Variants in CDK14 observed in about 807,000 individuals in gnomAD.
CDK14 encodes the protein cyclin-dependent kinase 14.
Under a neutral mutation model 60.7 loss-of-function variants are expected in CDK14, and 34 were observed. The ratio of observed to expected loss-of-function variants is 0.56; its 90% CI spans 0.43 to 0.75. The LOEUF (loss-of-function observed/expected upper bound fraction) is 0.75, where lower values mean the gene tolerates loss of function less well. CDK14 is among the 30% of genes least tolerant of loss of function. The pLI is 0.00. For missense variants in CDK14, 482 were observed against 564.1 expected (o/e 0.85, Z 1.47); for synonymous variants, 197 against 203.7 (o/e 0.97, Z 0.28).
intron 10 of CDK14, among the ~76,000 whole-genome samples, chr7:91,001,342 T>C (rs1333585394): frequency 6.6e-6 from 1 of 152,182 alleles, no homozygotes; most frequent in Non-Finnish European, 1.5e-5. Flanking sequence ...AGAAGGAAAT[T>C]TAGTCCTGCT....
At position 90,940,877 on chromosome 7, in the gene CDK14, A is replaced by G. The variant is rs953366995; in HGVS notation, c.827-14820A>G. On this transcript the variant is annotated intron_variant, in intron 8 of 14. Transcript: ENST00000380050. ...AATCTATCTATGTATATATATGATA[A>G]ACACCTAGAATAAAGTTGCCACTGG... Among the ~76,000 whole-genome samples, 9 of 152,310 alleles carry G rather than the reference A, an allele frequency of 5.9e-5. No individual in the cohort carries two copies. The South Asian group carries it at 1.7e-3, about 28-fold the overall frequency.
rs369626946 is a variant in CDK14 at position 90,696,704 on chromosome 7, C to T, written c.124-29863C>T. On this transcript the variant is annotated intron_variant, in intron 2 of 14. Coordinates refer to ENST00000380050, the MANE Select transcript of CDK14 (RefSeq NM_001287135.2). ...TACAAAATTGGGAACCCTCAGTTTA[C>T]TGACGGTACTTAAGGAAGAGGTTAG... Among the ~76,000 whole-genome samples the T allele has an allele frequency of 1.1e-4, 16 of 152,264 alleles. No homozygotes were observed. The East Asian group carries it at 1.4e-3, about 13-fold the overall frequency.
At chr7:91,120,952 T>C (rs1799766164) in intron 14 of CDK14, among the ~76,000 whole-genome samples, 1 of 152,192 alleles carries the variant, frequency 6.6e-6, no homozygotes, top group South Asian at 2.1e-4. Flanking sequence ...ACAGGGAAGA[T>C]GGATTCTAAG....
chr7:91,176,311 T>G (rs1401737067), intron 14 of CDK14, among the ~76,000 whole-genome samples: 2 of 152,180 alleles, frequency 1.3e-5, no homozygotes, highest in African/African-American at 2.4e-5. Context: ...TTTAAAGTAG[T>G]GTGTAGAGGG....
At chr7:90,627,218 ATTTT>A (rs113422746) in intron 2 of CDK14, among the ~76,000 whole-genome samples, 2 of 146,112 alleles carry the variant, frequency 1.4e-5, no homozygotes, top group Non-Finnish European at 3.0e-5. Context: ...GTCAGCACAG[ATTTT>A]TTTTTTTTGA....
At chr7:91,005,962 C>T (rs780653816) in intron 10 of CDK14, among the ~76,000 whole-genome samples, 7 of 152,206 alleles carry the variant, frequency 4.6e-5, no homozygotes, top group East Asian at 1.9e-4. Context: ...AGATCTGACT[C>T]GGTTCATAAA....
intron 14 of CDK14, among the ~76,000 whole-genome samples, chr7:91,177,778 G>C (rs1246393649): frequency 3.6e-5 from 5 of 137,250 alleles, no homozygotes; most frequent in Non-Finnish European, 7.9e-5. Context: ...TCTTCAAGGA[G>C]AACTACAAAC....
intron 5 of CDK14, among the ~76,000 whole-genome samples, chr7:90,848,390 A>G (rs1056916191): frequency 6.6e-6 from 1 of 152,176 alleles, no homozygotes; most frequent in African/African-American, 2.4e-5. Context: ...CCTGAGCCAC[A>G]GTGCCCAGCC....
intron 5 of CDK14, among the ~76,000 whole-genome samples, chr7:90,831,550 C>G (rs895285538): frequency 6.6e-6 from 1 of 152,128 alleles, no homozygotes. Flanking sequence ...TGACTTGGCT[C>G]TTTCAGCCCC....
chr7:90,621,598 A>G (rs945234917), intron 2 of CDK14, among the ~76,000 whole-genome samples: 8 of 145,850 alleles, frequency 5.5e-5, no homozygotes, highest in Admixed American at 4.1e-4. Context: ...ATTTGTTCCC[A>G]TAATTCAGAC....
At chr7:90,717,414 G>C (rs1802286761) in intron 2 of CDK14, among the ~76,000 whole-genome samples, 1 of 152,072 alleles carries the variant, frequency 6.6e-6, no homozygotes. Flanking sequence ...AGTCCAGTAA[G>C]GGATGTAACA....
intron 4 of CDK14, among the ~76,000 whole-genome samples, chr7:90,784,633 A>G (rs921492600): frequency 6.6e-6 from 1 of 152,228 alleles, no homozygotes; most frequent in Non-Finnish European, 1.5e-5. Flanking sequence ...ACTTTGATAT[A>G]GATTATGACA....
At chr7:91,185,993 A>G (rs1261930484) in intron 14 of CDK14, among the ~76,000 whole-genome samples, 1 of 152,104 alleles carries the variant, frequency 6.6e-6, no homozygotes, top group Non-Finnish European at 1.5e-5. Context: ...TATAAATGGA[A>G]TCATGCATAT....
At chr7:90,726,489 C>G (rs1802636727) in intron 2 of CDK14, 78 bp from the exon 3 acceptor site, 1 of 1,459,056 alleles carries the variant, frequency 6.9e-7, no homozygotes, top group East Asian at 2.3e-5. Flanking sequence ...GGCATGCTTT[C>G]TAGAGTTATA....
At chr7:91,150,095 T>C (rs560226889) in intron 14 of CDK14, among the ~76,000 whole-genome samples, 1 of 152,266 alleles carries the variant, frequency 6.6e-6, no homozygotes, top group East Asian at 1.9e-4. Flanking sequence ...AAGGGATAGA[T>C]CTAGGCAGAG....
intron 3 of CDK14, among the ~76,000 whole-genome samples, chr7:90,745,519 A>G (rs1803556309): frequency 6.6e-6 from 1 of 152,148 alleles, no homozygotes; most frequent in Admixed American, 6.5e-5. Flanking sequence ...AGGTTCAAGC[A>G]GTTCTCCTGC....
At chr7:91,087,300 C>G (rs1798668142) in intron 12 of CDK14, among the ~76,000 whole-genome samples, 1 of 152,082 alleles carries the variant, frequency 6.6e-6, no homozygotes. Context: ...ACATAGTGGT[C>G]TTACTGACCT....
intron 10 of CDK14, among the ~76,000 whole-genome samples, chr7:91,011,174 G>GAAC (rs1042357339): frequency 7.3e-5 from 11 of 151,632 alleles, no homozygotes; most frequent in African/African-American, 2.7e-4. Flanking sequence ...GCATCATCTT[G>GAAC]AACAACAACA....
At chr7:90,609,759 T>G (rs181152339) in intron 2 of CDK14, among the ~76,000 whole-genome samples, 120 of 152,260 alleles carry the variant, frequency 7.9e-4, no homozygotes, top group African/African-American at 2.6e-3. Flanking sequence ...CTAATACAAG[T>G]GGTTAGATAC....
Sources: allele counts gnomAD v4.1 joint callset (sites outside exome capture counted in the v4.1 genomes callset), GRCh38; gene constraint gnomAD v4.1.1; transcripts MANE v1.5; gene names NCBI Gene and HGNC (gene_info 2026-07-23, HGNC 2026-07-21).